The following C12orf54 variants were observed in gnomAD, a reference collection of about 807,000 sequenced individuals.
C12orf54 encodes chromosome 12 open reading frame 54.
Under a neutral mutation model 26.4 loss-of-function variants are expected in C12orf54, and 24 were observed. The observed-to-expected ratio is 0.91, with a 90% CI of 0.66 to 1.28. The LOEUF (loss-of-function observed/expected upper bound fraction) is 1.28. C12orf54 is among the 50% of genes most tolerant of loss of function. The pLI, the probability that C12orf54 is intolerant of heterozygous loss-of-function variation, is 0.00. For synonymous variants in C12orf54, 54 were observed against 47.0 expected (o/e 1.15, Z -0.61); for missense variants, 154 against 150.9 (o/e 1.02, Z -0.11).
chr12:48,496,013 T>C (rs1007207850), intron 8 of C12orf54, among the ~76,000 whole-genome samples, 168 bp from the exon 9 acceptor site: 14 of 152,202 alleles, frequency 9.2e-5, no homozygotes, highest in African/African-American at 3.4e-4. Flanking sequence ...CTACAACTAA[T>C]GGATCTCCTC....
chr12:48,486,696 G>GTCCT lies in C12orf54; in HGVS notation c.105_106insTCCT (p.Val36SerfsTer6). The GTCCT allele has an allele frequency of 6.2e-7, 1 of 1,613,030 alleles. No individual in the cohort carries two copies. ...GTTCCTTATTTCTACAGGAAAAACA[G>GTCCT]GTAACCATCACTGAAACCCTGTGGG... On this transcript the variant is annotated frameshift_variant, in exon 4 of 9. Coordinates refer to ENST00000548364, the MANE Select transcript of C12orf54 (RefSeq NM_152319.4). LOFTEE classifies it high-confidence loss of function.
chr12:48,466,685 T>C, the C12orf54 span, among the ~76,000 whole-genome samples: 1 of 152,114 alleles, frequency 6.6e-6, no homozygotes, highest in Non-Finnish European at 1.5e-5. Flanking sequence ...CCATACCAAA[T>C]TCTGGTAAAA....
At chr12:48,495,925 T>C (rs1937903787) in intron 8 of C12orf54, among the ~76,000 whole-genome samples, 1 of 152,222 alleles carries the variant, frequency 6.6e-6, no homozygotes, top group African/African-American at 2.4e-5. Context: ...GCAGGAAGCT[T>C]CCTTCCTCTA....
At chr12:48,489,800 C>A (rs1017293127) in intron 5 of C12orf54, among the ~76,000 whole-genome samples, 1 of 151,314 alleles carries the variant, frequency 6.6e-6, no homozygotes, top group Non-Finnish European at 1.5e-5. Context: ...TGGCTCACCA[C>A]AACCTCCGCC....
At chr12:48,437,078 G>A in the C12orf54 span, among the ~76,000 whole-genome samples, 61 of 152,182 alleles carry the variant, frequency 4.0e-4, no homozygotes, top group African/African-American at 1.3e-3. Flanking sequence ...TATCACCACC[G>A]ATCCCACAGA....
rs904139021 is a variant in C12orf54, at chr12:48,496,467, A to G, written c.*327A>G. On this transcript the variant is annotated 3_prime_UTR_variant, in exon 9 of 9. Coordinates refer to ENST00000548364, the MANE Select transcript of C12orf54 (RefSeq NM_152319.4). The stretch of plus-strand genomic sequence containing the variant: ...TATGATAGTGCATTTGGTTCAAAGA[A>G]CAGCACTGTAGCATGGGAGAACCTG... 6.5e-6 allele frequency: 1 copy of G among 152,702 alleles called. No homozygotes were observed. Among genetic ancestry groups the G allele is most frequent in the Non-Finnish European group, 1.5e-5 (1 of 68,054 alleles). The allele number at this position is 152,702 out of a possible 1,614,324, so 9.5% of individuals were successfully genotyped here.
At chr12:48,490,600 C>G (rs1235732785) in intron 5 of C12orf54, among the ~76,000 whole-genome samples, 2 of 152,128 alleles carry the variant, frequency 1.3e-5, no homozygotes, top group South Asian at 4.2e-4. Context: ...TTGCAGTGAG[C>G]CAATATCACA....
chr12:48,458,218 G>A, the C12orf54 span, among the ~76,000 whole-genome samples: 1 of 152,180 alleles, frequency 6.6e-6, no homozygotes, highest in African/African-American at 2.4e-5. Flanking sequence ...TGCACAAACT[G>A]CCCTTGGCCT....
At chr12:48,435,939 C>T in the C12orf54 span, among the ~76,000 whole-genome samples, 1 of 152,142 alleles carries the variant, frequency 6.6e-6, no homozygotes, top group African/African-American at 2.4e-5. Flanking sequence ...GGGCTAAATG[C>T]TCCAATTAAA....
the C12orf54 span, among the ~76,000 whole-genome samples, chr12:48,434,197 C>T: frequency 0.11 from 16,645 of 152,156 alleles, 950 homozygotes; most frequent in Middle Eastern, 0.13. Context: ...AGCAGCAAAG[C>T]GGCAGCGAGG....
chr12:48,413,553 G>A, the C12orf54 span, among the ~76,000 whole-genome samples: 8 of 152,182 alleles, frequency 5.3e-5, no homozygotes, highest in Non-Finnish European at 8.8e-5. Flanking sequence ...AGTGAAGCAT[G>A]CTGCGCTCCC....
chr12:48,424,169 G>C, the C12orf54 span, among the ~76,000 whole-genome samples: 41 of 152,074 alleles, frequency 2.7e-4, no homozygotes, highest in Non-Finnish European at 5.9e-5. Context: ...AGAATGCTAA[G>C]AGCAACCTTG....
the C12orf54 span, chr12:48,472,760 C>T: frequency 7.4e-6 from 12 of 1,614,138 alleles, no homozygotes; most frequent in Non-Finnish European, 1.0e-5. Context: ...CAAATGAAGG[C>T]AAATTGGAAG....
At chr12:48,493,247 A>T (rs572369280) in intron 7 of C12orf54, among the ~76,000 whole-genome samples, 6 of 152,186 alleles carry the variant, frequency 3.9e-5, no homozygotes, top group Admixed American at 6.5e-5. Flanking sequence ...ACCATAAGAG[A>T]TTGTAAGAAA....
chr12:48,467,111 A>G, the C12orf54 span, among the ~76,000 whole-genome samples: 216 of 152,286 alleles, frequency 1.4e-3, 6 homozygotes, highest in South Asian at 0.043. Flanking sequence ...CTAGATTAGG[A>G]TGAGACCTAA....
the C12orf54 span, among the ~76,000 whole-genome samples, chr12:48,452,308 T>A: frequency 1.4e-4 from 22 of 152,194 alleles, no homozygotes; most frequent in South Asian, 3.7e-3. Context: ...CTGGACCCCT[T>A]CCTCACCCCA....
At chr12:48,446,364 C>A in the C12orf54 span, among the ~76,000 whole-genome samples, 3 of 152,160 alleles carry the variant, frequency 2.0e-5, no homozygotes, top group Non-Finnish European at 4.4e-5. Flanking sequence ...AAACTAGAAA[C>A]CTTCAAATTC....
intron 4 of C12orf54, chr12:48,488,462 C>T: frequency 5.8e-6 from 2 of 345,682 alleles, no homozygotes; most frequent in South Asian, 2.4e-5. Flanking sequence ...GATTATTTTG[C>T]ATTGAATAAA....
the C12orf54 span, among the ~76,000 whole-genome samples, chr12:48,424,393 A>T: frequency 1.3e-5 from 2 of 152,092 alleles, no homozygotes; most frequent in African/African-American, 2.4e-5. Context: ...GTTTTGGAAA[A>T]TTTGGTTTAT....
Sources: allele counts gnomAD v4.1 joint callset (sites outside exome capture counted in the v4.1 genomes callset), GRCh38; gene constraint gnomAD v4.1.1; transcripts MANE v1.5; gene names NCBI Gene and HGNC (gene_info 2026-07-23, HGNC 2026-07-21).